The following MTHFSD variants were observed in gnomAD, a reference collection of about 807,000 sequenced individuals.
MTHFSD encodes the protein methenyltetrahydrofolate synthase domain-containing protein.
MTHFSD carries 37 observed loss-of-function variants against 31.1 expected under a neutral mutation model. The ratio of observed to expected loss-of-function variants is 1.19; its 90% CI spans 0.91 to 1.56. The LOEUF (loss-of-function observed/expected upper bound fraction) is 1.56. Among genes scored for constraint, MTHFSD ranks in the 40% most tolerant of loss-of-function variants. The pLI, the probability that MTHFSD is intolerant of heterozygous loss-of-function variation, is 0.00. For missense variants in MTHFSD, 664 were observed against 510.1 expected (o/e 1.30, Z -2.91); for synonymous variants, 221 against 206.9 (o/e 1.07, Z -0.59).
intron 3 of MTHFSD, among the ~76,000 whole-genome samples, chr16:86,549,866 C>T (rs1972884417): frequency 6.6e-6 from 1 of 152,270 alleles, no homozygotes; most frequent in African/African-American, 2.4e-5. Flanking sequence ...TAGAGACTCA[C>T]AGGTCTGGGG....
chr16:86,547,845 T>C (rs1400063338), intron 4 of MTHFSD, among the ~76,000 whole-genome samples: 2 of 152,136 alleles, frequency 1.3e-5, no homozygotes, highest in Non-Finnish European at 2.9e-5. Flanking sequence ...TTCTTCTCAG[T>C]AGATTAAAAA....
intron 7 of MTHFSD, among the ~76,000 whole-genome samples, chr16:86,540,048 A>C (rs1027687607): frequency 6.6e-6 from 1 of 152,134 alleles, no homozygotes; most frequent in Non-Finnish European, 1.5e-5. Flanking sequence ...CAAACTCTTT[A>C]ATGGAATTTA....
At chr16:86,555,031 C>T in intron 1 of MTHFSD, 138 bp downstream of exon 1, 6 of 1,445,914 alleles carry the variant, frequency 4.1e-6, no homozygotes, top group South Asian at 2.8e-5. Context: ...CCAGCACAGA[C>T]CCCCTCTGAC....
chr16:86,552,172 C>T, intron 2 of MTHFSD, 26 bp from the exon 3 acceptor site: 2 of 1,614,152 alleles, frequency 1.2e-6, no homozygotes, highest in African/African-American at 1.3e-5. Context: ...GACAGAGTTG[C>T]ACTTACTTCA....
Position 86,530,313 on chromosome 16 carries a change from A to T in MTHFSD, c.*1698T>A, listed in dbSNP as rs1567518159. 6.6e-6 allele frequency: 1 copy of T among 152,250 alleles called. No homozygotes were observed. Among genetic ancestry groups the T allele is most frequent in the Non-Finnish European group, 1.5e-5 (1 of 68,052 alleles). 9.4% of individuals were successfully genotyped at this position (152,250 alleles called of 1,614,324 possible). ...CATATACCTGGATTATTCTGGCTAA[A>T]GCGACAGGAAATCCCAGCAGTCTGG... is the stretch of plus-strand genomic sequence containing the variant. On this transcript the variant is annotated 3_prime_UTR_variant, in exon 8 of 8. Transcript: ENST00000360900.
In MTHFSD at chr16:86,531,793, T is replaced by C. The variant is rs57433450; in HGVS notation, c.*218A>G. 4,621 of 403,312 alleles carry C rather than the reference T, an allele frequency of 0.011. 179 individuals are homozygous for C. The highest frequency in any genetic ancestry group is 0.085 in the African/African-American group (4,104 of 48,558). 25.0% of individuals were successfully genotyped at this position (403,312 alleles called of 1,614,324 possible). A position where few individuals can be genotyped will look rare whatever the true frequency, so the allele number is the denominator to read the frequency against. ...CCTGCACGATTGGGAGGCTGCAGTCTCTGCGCGCTGTGAGATGAACCGCAG... is the reference window on the plus strand; with the variant it reads ...CCTGCACGATTGGGAGGCTGCAGTCCCTGCGCGCTGTGAGATGAACCGCAG... On this transcript the variant is annotated 3_prime_UTR_variant, in exon 8 of 8. Transcript: ENST00000360900. The surrounding 1 kb of genome is among the most constrained non-coding windows in gnomAD (Gnocchi z 5.5).
At chr16:86,547,812 C>T (rs749315630) in intron 4 of MTHFSD, among the ~76,000 whole-genome samples, 3 of 152,066 alleles carry the variant, frequency 2.0e-5, no homozygotes, top group Non-Finnish European at 4.4e-5. Context: ...CATAAAAAAG[C>T]GTATCTTCAA....
At position 86,554,791 on chromosome 16, in the gene MTHFSD, T is replaced by C. The variant is rs779233602; in HGVS notation, c.17-40A>G. ...TCCCACTTAATAACATACAAAGGAA[T>C]TCCAGAGCCCATGCTGAAACCGCTT... On this transcript the variant is annotated intron_variant, in intron 1 of 7. Transcript: ENST00000360900. 8 of 1,548,282 alleles carry C rather than the reference T, an allele frequency of 5.2e-6. No individual in the cohort carries two copies. The East Asian group carries it at 1.8e-4, about 35-fold the overall frequency.
intron 3 of MTHFSD, 75 bp from the exon 4 acceptor site, chr16:86,548,652 A>G (rs1972681722): frequency 8.2e-7 from 1 of 1,218,358 alleles, no homozygotes; most frequent in African/African-American, 1.5e-5. Flanking sequence ...TATTTTTACC[A>G]TTTCAGGAGA....
chr16:86,549,362 T>A (rs1021527444), intron 3 of MTHFSD, among the ~76,000 whole-genome samples: 11 of 152,254 alleles, frequency 7.2e-5, no homozygotes, highest in African/African-American at 2.4e-4. Context: ...AAATCTTTCA[T>A]GTAAATAATA....
chr16:86,544,947 A>G (rs969151864), intron 5 of MTHFSD, among the ~76,000 whole-genome samples: 1 of 152,240 alleles, frequency 6.6e-6, no homozygotes, highest in African/African-American at 2.4e-5. Context: ...TCAGCAAACG[A>G]ACGCAGGAAC....
At chr16:86,541,287 T>C in intron 7 of MTHFSD, 1 of 1,048,198 alleles carries the variant, frequency 9.5e-7, no homozygotes, top group Non-Finnish European at 1.2e-6. Context: ...ATCCAGATCG[T>C]CAGTAAAAAA....
chr16:86,554,278 A>G (rs1973703805), intron 2 of MTHFSD, among the ~76,000 whole-genome samples: 2 of 152,260 alleles, frequency 1.3e-5, no homozygotes, highest in Non-Finnish European at 2.9e-5. Flanking sequence ...CAGAAGGAAG[A>G]AACTCTGAAC....
In MTHFSD at chr16:86,530,572, G is replaced by A. The variant is rs1413084416; in HGVS notation, c.*1439C>T. On this transcript the variant is annotated 3_prime_UTR_variant, in exon 8 of 8. Transcript: ENST00000360900. Reference sequence around the variant, plus strand: ...GGCTGACTCACTTGCTCTTCTCCTGGAGTTGCTATTCTAACGGCAGCAAAT... The same window carrying A: ...GGCTGACTCACTTGCTCTTCTCCTGAAGTTGCTATTCTAACGGCAGCAAAT... 2 of 151,300 alleles carry A rather than the reference G, an allele frequency of 1.3e-5. No individual in the cohort carries two copies. The highest frequency in any genetic ancestry group is 2.9e-5 in the Non-Finnish European group (2 of 67,932). The allele number at this position is 151,300 out of a possible 1,614,324, so 9.4% of individuals were successfully genotyped here.
In MTHFSD at chr16:86,547,888, A is replaced by T. The variant is rs115018779; in HGVS notation, c.351+576T>A. 9.3e-3 allele frequency: 4,076 copies of T among 439,904 alleles called. 154 individuals are homozygous for T. Among genetic ancestry groups the T allele is most frequent in the African/African-American group, 0.078 (3,727 of 47,774 alleles). The allele number at this position is 439,904 out of a possible 1,614,324, so 27.3% of individuals were successfully genotyped here. The stretch of plus-strand genomic sequence containing the variant: ...ACTTGGAGTTTACCTTAAGATTCTT[A>T]AAAAAGTCACCAAATTCGACTTAAC... On this transcript the variant is annotated intron_variant, in intron 4 of 7. Coordinates refer to ENST00000360900, the MANE Select transcript of MTHFSD (RefSeq NM_001159377.2).
rs904007188 is a variant in MTHFSD, at chr16:86,542,817, C to G, written c.443-604G>C. ...TAGCTAAGATGAAATCGAGGTTTAACAGCCTCTCTAGCCAAATCAGCTATT... is the reference window on the plus strand; with the variant it reads ...TAGCTAAGATGAAATCGAGGTTTAAGAGCCTCTCTAGCCAAATCAGCTATT... On this transcript the variant is annotated intron_variant, in intron 5 of 7. Transcript: ENST00000360900. The surrounding 1 kb of genome is among the most constrained non-coding windows in gnomAD (Gnocchi z 4.6). 6.6e-6 allele frequency among the ~76,000 whole-genome samples: 1 copy of G among 152,226 alleles called. No homozygotes were observed. Among genetic ancestry groups the G allele is most frequent in the African/African-American group, 2.4e-5 (1 of 41,462 alleles).
chr16:86,553,766 C>T, intron 2 of MTHFSD: 1 of 152,948 alleles, frequency 6.5e-6, no homozygotes, highest in East Asian at 1.9e-4. Flanking sequence ...TGGCAGGCAG[C>T]TCCACCTGCA....
At chr16:86,541,657 G>A (rs765384242) in intron 7 of MTHFSD, 40 bp downstream of exon 7, 35 of 1,597,268 alleles carry the variant, frequency 2.2e-5, no homozygotes, top group Admixed American at 5.3e-5. Context: ...AGGAGGAGCC[G>A]CTAAGCTACA....
At position 86,552,018 on chromosome 16, in the gene MTHFSD, G is replaced by C. The variant is rs903149832; in HGVS notation, c.237+15C>G. 1 of 1,613,982 alleles carries C rather than the reference G, an allele frequency of 6.2e-7. No homozygotes were observed. Among genetic ancestry groups the C allele is most frequent in the Non-Finnish European group, 8.5e-7 (1 of 1,180,004 alleles). On this transcript the variant is annotated intron_variant, in intron 3 of 7. Transcript: ENST00000360900. ...GGCGGCCAGGTCTCGGCTCGGCTCA[G>C]GGAAGTGGAATTACCTGCAGCACCA...
Sources: allele counts gnomAD v4.1 joint callset (sites outside exome capture counted in the v4.1 genomes callset), GRCh38; gene constraint gnomAD v4.1.1; non-coding constraint Gnocchi (gnomAD v3.1); transcripts MANE v1.5; gene names NCBI Gene and HGNC (gene_info 2026-07-23, HGNC 2026-07-21).